MAP4K5: variants seen among roughly 807,000 people sequenced by gnomAD.
MAP4K5 encodes mitogen-activated protein kinase kinase kinase kinase 5, also known as MAPK/ERK kinase kinase kinase 5.
In MAP4K5, 82 loss-of-function variants were observed where a neutral mutation model predicts 135.6. The observed-to-expected ratio is 0.60, with a 90% CI of 0.51 to 0.73. The LOEUF (loss-of-function observed/expected upper bound fraction) is 0.73. Among genes scored for constraint, MAP4K5 ranks in the 30% least tolerant of loss-of-function variants. The pLI is 0.00. For synonymous variants in MAP4K5, 347 were observed against 335.0 expected, an observed-to-expected ratio of 1.04 and a Z score of -0.39; for missense variants, 907 against 1,010.9, an observed-to-expected ratio of 0.90 and a Z score of 1.39.
chr14:50,460,428 C>T (rs1452275475), intron 13 of MAP4K5, among the ~76,000 whole-genome samples: 1 of 151,984 alleles, frequency 6.6e-6, no homozygotes, highest in East Asian at 1.9e-4. Context: ...TTGGGAAGCC[C>T]AGCAAAACGA....
chr14:50,510,091 C>A (rs2037899799), intron 2 of MAP4K5, among the ~76,000 whole-genome samples: 2 of 152,058 alleles, frequency 1.3e-5, no homozygotes, highest in East Asian at 3.9e-4. Flanking sequence ...TTATGCCAAG[C>A]AAAAACAGGC....
chr14:50,505,350 T>C (rs2037788735), intron 2 of MAP4K5, among the ~76,000 whole-genome samples: 1 of 152,120 alleles, frequency 6.6e-6, no homozygotes, highest in Non-Finnish European at 1.5e-5. Flanking sequence ...TAAGACATGA[T>C]TACAAATGCT....
chr14:50,475,266 G>A lies in MAP4K5; in HGVS notation c.470-117C>T, dbSNP rs112959107. 1.3e-3 allele frequency: 997 copies of A among 745,576 alleles called. 5 individuals are homozygous for A. Among genetic ancestry groups the A allele is most frequent in the African/African-American group, 8.6e-3 (493 of 57,208 alleles). 46.2% of individuals were successfully genotyped at this position (745,576 alleles called of 1,614,324 possible). A position where few individuals can be genotyped will look rare whatever the true frequency, so the allele number is the denominator to read the frequency against. ...TCAAATATTAATGTTAGAAAAATGC[G>A]CATAAATTGAATACCTAAATCTCTT... is the stretch of plus-strand genomic sequence containing the variant. On this transcript the variant is annotated intron_variant, in intron 8 of 32. Transcript: ENST00000682126.
rs1375821589 is a variant in MAP4K5, at chr14:50,437,907, G to T, written c.1810C>A (p.Arg604=). The part of the protein sequence containing the change: ...AHIQTHRFPD[R]ILPRKFALTT... ...GATATTTTGTACCTTGGTAGTATTC[G>T]GTCTGGAAACCTGTGAGTTTGAATA... The change falls in exon 25 of 33, where the codon CGA becomes AGA. Residue 604 remains arginine, a synonymous_variant. Coordinates refer to ENST00000682126, the MANE Select transcript of MAP4K5 (RefSeq NM_006575.6). 1 of 1,596,686 alleles carries T rather than the reference G, an allele frequency of 6.3e-7. No homozygotes were observed. Among genetic ancestry groups the T allele is most frequent in the Non-Finnish European group, 8.6e-7 (1 of 1,164,670 alleles).
At chr14:50,489,135 T>C (rs1336934857) in intron 3 of MAP4K5, among the ~76,000 whole-genome samples, 1 of 152,208 alleles carries the variant, frequency 6.6e-6, no homozygotes, top group Non-Finnish European at 1.5e-5. Flanking sequence ...CTTAGGCTTG[T>C]AGGTTCCAGC....
At chr14:50,460,570 T>C (rs912597307) in intron 13 of MAP4K5, among the ~76,000 whole-genome samples, 2 of 152,186 alleles carry the variant, frequency 1.3e-5, no homozygotes, top group Non-Finnish European at 2.9e-5. Flanking sequence ...AATTAAAATA[T>C]TTACTAATCC....
In MAP4K5 at chr14:50,453,272, C is replaced by CA. The variant is rs750792572; in HGVS notation, c.1015+3243dup. Among the ~76,000 whole-genome samples the CA allele has an allele frequency of 3.5e-3, 365 of 105,718 alleles. 1 individual carries two copies. Among genetic ancestry groups the CA allele is most frequent in the Admixed American group, 3.6e-3 (38 of 10,436 alleles). The allele number at this position is 105,718 out of a possible 152,430, so 69.4% of individuals were successfully genotyped here. A position where few individuals can be genotyped will look rare whatever the true frequency, so the allele number is the denominator to read the frequency against. On this transcript the variant is annotated intron_variant, in intron 14 of 32. Transcript: ENST00000682126. ...CCAATACACTCTTCAGATGACAAAC[C>CA]AAAAAAAAAAAAAGAAAAAAAATTA...
chr14:50,464,454 A>T (rs986748094), intron 11 of MAP4K5, among the ~76,000 whole-genome samples: 7 of 152,190 alleles, frequency 4.6e-5, no homozygotes, highest in African/African-American at 1.7e-4. Flanking sequence ...TGCATAATTT[A>T]CCTAGTATGT....
chr14:50,448,677 A>T (rs2036413650), intron 15 of MAP4K5, 97 bp downstream of exon 15: 1 of 645,674 alleles, frequency 1.5e-6, no homozygotes, highest in Non-Finnish European at 2.6e-6. Context: ...TGCTTAAAAG[A>T]GTATATTACT....
chr14:50,552,023 A>G (rs185838805), intron 1 of MAP4K5, among the ~76,000 whole-genome samples: 99 of 152,342 alleles, frequency 6.5e-4, no homozygotes, highest in Non-Finnish European at 1.1e-3. Flanking sequence ...GCAGTCAGAC[A>G]AAAGAAAGAA....
intron 15 of MAP4K5, 50 bp downstream of exon 15, chr14:50,448,724 G>T: frequency 8.6e-7 from 1 of 1,162,410 alleles, no homozygotes. Context: ...CAAAAAAAAA[G>T]TTTTCTCAAA....
chr14:50,535,275 T>A (rs1023239647), upstream of MAP4K5, among the ~76,000 whole-genome samples: 3 of 152,226 alleles, frequency 2.0e-5, no homozygotes, highest in Non-Finnish European at 4.4e-5. Flanking sequence ...TAAAAAAGAA[T>A]TGGGAGACAT....
intron 3 of MAP4K5, among the ~76,000 whole-genome samples, chr14:50,487,864 T>A (rs1361567160): frequency 6.6e-6 from 1 of 152,160 alleles, no homozygotes; most frequent in African/African-American, 2.4e-5. Flanking sequence ...TTTTCCATCA[T>A]AGCATTAAAA....
At chr14:50,548,354 G>A (rs905968972) in intron 1 of MAP4K5, among the ~76,000 whole-genome samples, 1 of 152,156 alleles carries the variant, frequency 6.6e-6, no homozygotes, top group Non-Finnish European at 1.5e-5. Context: ...AGCCATTTGA[G>A]AAAGCAAAAA....
At chr14:50,502,309 G>A (rs1039754327) in intron 3 of MAP4K5, among the ~76,000 whole-genome samples, 22 of 152,252 alleles carry the variant, frequency 1.4e-4, no homozygotes, top group East Asian at 3.9e-4. Flanking sequence ...ATGTATGTCC[G>A]TATAGTTGCA....
intron 2 of MAP4K5, among the ~76,000 whole-genome samples, chr14:50,538,757 A>T (rs1012015425): frequency 6.6e-6 from 1 of 152,188 alleles, no homozygotes. Context: ...ACTGTTGCTA[A>T]TCTCAGGATT....
intron 6 of MAP4K5, among the ~76,000 whole-genome samples, chr14:50,480,396 ATTCT>A (rs1461089759): frequency 8.2e-5 from 8 of 97,522 alleles, no homozygotes; most frequent in African/African-American, 2.6e-4. Flanking sequence ...GAACTTACTC[ATTCT>A]TTCTTTTTTT....
intron 2 of MAP4K5, among the ~76,000 whole-genome samples, chr14:50,542,205 C>G (rs1392590097): frequency 1.4e-5 from 2 of 147,432 alleles, no homozygotes; most frequent in Non-Finnish European, 3.0e-5. Context: ...CCTGCATGTT[C>G]TCACTCATAA....
At chr14:50,460,074 C>A (rs2036677466) in intron 13 of MAP4K5, among the ~76,000 whole-genome samples, 1 of 152,118 alleles carries the variant, frequency 6.6e-6, no homozygotes, top group African/African-American at 2.4e-5. Flanking sequence ...GTTATTAACA[C>A]CTCTGCTCAG....
Sources: gnomAD v4.1 joint callset for allele counts (sites outside exome capture counted in the v4.1 genomes callset) on GRCh38, gnomAD v4.1.1 for gene constraint, MANE v1.5 for transcripts, NCBI Gene and HGNC (gene_info 2026-07-23, HGNC 2026-07-21) for gene names.